The following DPP6 variants were observed in gnomAD, a reference collection of about 807,000 sequenced individuals.
The protein encoded by DPP6 is A-type potassium channel modulatory protein DPP6.
DPP6 carries 69 observed loss-of-function variants against 122.6 expected under a neutral mutation model. The ratio of observed to expected loss-of-function variants is 0.56; its 90% CI spans 0.46 to 0.69. The LOEUF is 0.69. Among genes scored for constraint, DPP6 ranks in the 30% least tolerant of loss-of-function variants. The probability of loss-of-function intolerance (pLI) is 0.00; values close to 1 mark genes in which losing one functional copy is unlikely to be tolerated. For synonymous variants in DPP6, 418 were observed against 433.1 expected (o/e 0.97, Z 0.43); for missense variants, 928 against 1,116.9 (o/e 0.83, Z 2.41).
rs191082071 is a variant in DPP6 at position 154,403,567 on chromosome 7, A to G, written c.244-42647A>G. On this transcript the variant is annotated intron_variant, in intron 1 of 25. Coordinates refer to ENST00000377770, the MANE Select transcript of DPP6 (RefSeq NM_130797.4). This position sits in a 1 kb window ranked among gnomAD's most constrained non-coding sequence, Gnocchi z 4.1. ...TGTGCATCCAACTCTGGGCTGGGAAAGCAAAGAGCACTGGGCAATCACGCC... is the reference window on the plus strand; with the variant it reads ...TGTGCATCCAACTCTGGGCTGGGAAGGCAAAGAGCACTGGGCAATCACGCC... Among the ~76,000 whole-genome samples the G allele has an allele frequency of 6.6e-6, 1 of 152,316 alleles. No individual in the cohort carries two copies. The highest frequency in any genetic ancestry group is 1.9e-4 in the East Asian group (1 of 5,172).
chr7:154,602,268 C>T lies in DPP6; in HGVS notation c.627+35352C>T, dbSNP rs1833434652. Among the ~76,000 whole-genome samples the T allele has an allele frequency of 1.7e-5, 2 of 121,122 alleles. 1 individual carries two copies. Among genetic ancestry groups the T allele is most frequent in the African/African-American group, 5.3e-5 (2 of 38,074 alleles). The allele number at this position is 121,122 out of a possible 152,430, so 79.5% of individuals were successfully genotyped here. On this transcript the variant is annotated intron_variant, in intron 5 of 25. Transcript: ENST00000377770. ...CTACAGCAGTATTCTTCCATCATTTCACCATACCATCCTTTCTGATATTTT... is the reference window on the plus strand; with the variant it reads ...CTACAGCAGTATTCTTCCATCATTTTACCATACCATCCTTTCTGATATTTT...
intron 4 of DPP6, among the ~76,000 whole-genome samples, chr7:154,543,339 C>T (rs1828881230): frequency 6.6e-6 from 1 of 152,150 alleles, no homozygotes; most frequent in Non-Finnish European, 1.5e-5. Flanking sequence ...ATTCTCTTTC[C>T]CGAGCCAATA....
At chr7:154,574,323 G>GTA (rs1319848414) in intron 5 of DPP6, among the ~76,000 whole-genome samples, 8 of 143,472 alleles carry the variant, frequency 5.6e-5, no homozygotes, top group African/African-American at 2.1e-4. Flanking sequence ...TGCTGTGTAT[G>GTA]TGTGTGTGGT....
intron 8 of DPP6, among the ~76,000 whole-genome samples, chr7:154,734,154 T>C (rs1265104893): frequency 6.6e-6 from 1 of 152,360 alleles, no homozygotes; most frequent in African/African-American, 2.4e-5. Context: ...ATGACACTTA[T>C]GCTACTTTTC....
intron 1 of DPP6, among the ~76,000 whole-genome samples, chr7:153,947,471 C>T (rs1485176414): frequency 2.0e-5 from 3 of 151,900 alleles, no homozygotes; most frequent in Admixed American, 6.6e-5. Context: ...CTAGCCAGGC[C>T]CTATAAACTA....
intron 1 of DPP6, among the ~76,000 whole-genome samples, chr7:154,424,887 C>G (rs1471240245): frequency 6.6e-6 from 1 of 152,214 alleles, no homozygotes; most frequent in Non-Finnish European, 1.5e-5. Context: ...TCTTTCAGAG[C>G]CCTCCAAGTT....
upstream of DPP6, among the ~76,000 whole-genome samples, chr7:153,886,787 C>T (rs141173246): frequency 3.2e-3 from 480 of 152,304 alleles, 1 homozygote; most frequent in Non-Finnish European, 5.6e-3. Context: ...TCCCCCGCTT[C>T]CCCTCCGCTC....
chr7:154,247,406 T>C (rs891431001), intron 1 of DPP6, among the ~76,000 whole-genome samples: 5 of 152,290 alleles, frequency 3.3e-5, no homozygotes, highest in African/African-American at 9.6e-5. Flanking sequence ...TATATAAATA[T>C]TCCTACAAAT....
intron 5 of DPP6, among the ~76,000 whole-genome samples, chr7:154,594,081 T>C (rs1832952439): frequency 6.6e-6 from 1 of 152,056 alleles, no homozygotes. Flanking sequence ...TCCAAGGCAA[T>C]TGATTTTGGT....
intron 1 of DPP6, among the ~76,000 whole-genome samples, chr7:153,914,556 G>A (rs944196166): frequency 6.6e-6 from 1 of 152,188 alleles, no homozygotes; most frequent in Non-Finnish European, 1.5e-5. Context: ...GCATATTTAA[G>A]AGTACAGTTC....
chr7:153,754,454 AT>A, the DPP6 span, among the ~76,000 whole-genome samples: 1 of 151,860 alleles, frequency 6.6e-6, no homozygotes, highest in Non-Finnish European at 1.5e-5. Flanking sequence ...GTACTGTATT[AT>A]TTTTCTTTGT....
chr7:154,756,648 G>T (rs564338218), intron 8 of DPP6, among the ~76,000 whole-genome samples: 1 of 152,142 alleles, frequency 6.6e-6, no homozygotes, highest in South Asian at 2.1e-4. Flanking sequence ...TCCTTAAGGT[G>T]CTGTGTTCCC....
intron 1 of DPP6, among the ~76,000 whole-genome samples, chr7:154,116,037 C>T (rs949213071): frequency 2.6e-5 from 4 of 151,036 alleles, no homozygotes; most frequent in African/African-American, 9.7e-5. Flanking sequence ...TAAATTCTTA[C>T]CTTTTACAAA....
chr7:154,779,108 C>CATCACCTCCA (rs1796838356), intron 10 of DPP6, among the ~76,000 whole-genome samples: 1 of 346 alleles, frequency 2.9e-3, no homozygotes. Flanking sequence ...CACCACCACC[C>CATCACCTCCA]CCACCATCAC....
chr7:154,447,878 C>G (rs1448276702), intron 2 of DPP6, among the ~76,000 whole-genome samples: 1 of 152,146 alleles, frequency 6.6e-6, no homozygotes, highest in African/African-American at 2.4e-5. Flanking sequence ...AAAACCATTT[C>G]CTGACAAAAG....
chr7:154,806,200 G>C (rs949149312), intron 15 of DPP6, among the ~76,000 whole-genome samples: 3 of 152,224 alleles, frequency 2.0e-5, no homozygotes, highest in Non-Finnish European at 4.4e-5. Flanking sequence ...AGAATGAGAA[G>C]GTTGTCTTCT....
At chr7:153,974,951 G>T (rs1388327172) in intron 1 of DPP6, among the ~76,000 whole-genome samples, 1 of 152,144 alleles carries the variant, frequency 6.6e-6, no homozygotes, top group Admixed American at 6.5e-5. Context: ...TTCCTAATGC[G>T]CTGGCTTCTT....
At chr7:154,436,855 C>A (rs1818913180) in intron 1 of DPP6, among the ~76,000 whole-genome samples, 4 of 152,180 alleles carry the variant, frequency 2.6e-5, no homozygotes, top group Non-Finnish European at 5.9e-5. Context: ...ACGTGTGAAC[C>A]ACTCACTTAG....
At chr7:154,112,166 T>A (rs570203162) in intron 1 of DPP6, among the ~76,000 whole-genome samples, 4 of 152,266 alleles carry the variant, frequency 2.6e-5, no homozygotes, top group South Asian at 4.1e-4. Context: ...ACAGTGGATA[T>A]CATATCACCT....
Sources: gnomAD v4.1 joint callset for allele counts (sites outside exome capture counted in the v4.1 genomes callset) on GRCh38, gnomAD v4.1.1 for gene constraint, Gnocchi (gnomAD v3.1) non-coding constraint, MANE v1.5 for transcripts, NCBI Gene and HGNC (gene_info 2026-07-23, HGNC 2026-07-21) for gene names.